The following PPA1 variants were observed in gnomAD, a reference collection of about 807,000 sequenced individuals.
PPA1 encodes the protein inorganic pyrophosphatase.
In PPA1, 23 loss-of-function variants were observed where a neutral mutation model predicts 41.8. The ratio of observed to expected loss-of-function variants is 0.55; its 90% CI spans 0.40 to 0.78. The LOEUF (loss-of-function observed/expected upper bound fraction) is 0.78. PPA1 is among the 30% of genes least tolerant of loss of function. The pLI, the probability that PPA1 is intolerant of heterozygous loss-of-function variation, is 0.00. For missense variants in PPA1, 320 were observed against 361.6 expected (o/e 0.89, Z 0.93); for synonymous variants, 101 against 116.8 (o/e 0.86, Z 0.87).
At chr10:70,206,865 AGGAGG>A (rs77729015) in intron 8 of PPA1, among the ~76,000 whole-genome samples, 830 of 8,670 alleles carry the variant, frequency 0.096, 20 homozygotes, top group Non-Finnish European at 0.12. Flanking sequence ...AGGAGAGGAG[AGGAGG>A]GGAGGGGAGG....
intron 4 of PPA1, among the ~76,000 whole-genome samples, chr10:70,215,905 G>C (rs1840074950): frequency 2.6e-5 from 4 of 152,224 alleles, no homozygotes; most frequent in South Asian, 2.1e-4. Context: ...GTAAGCCAGA[G>C]TCCTTGCAGA....
intron 3 of PPA1, 155 bp downstream of exon 3, chr10:70,218,608 GA>G: frequency 3.3e-6 from 2 of 605,240 alleles, no homozygotes; most frequent in Non-Finnish European, 5.8e-6. Context: ...AGCCCAAAGG[GA>G]AGACTAGTAG....
chr10:70,228,592 A>T (rs1284783605), intron 2 of PPA1, among the ~76,000 whole-genome samples: 2 of 152,204 alleles, frequency 1.3e-5, no homozygotes, highest in Non-Finnish European at 2.9e-5. Context: ...TCTGCAGTTT[A>T]TATCAACTCC....
At chr10:70,222,780 C>T (rs953239015) in intron 2 of PPA1, among the ~76,000 whole-genome samples, 3 of 151,548 alleles carry the variant, frequency 2.0e-5, no homozygotes, top group Non-Finnish European at 4.4e-5. Flanking sequence ...TGTGCTGCAC[C>T]CATTAACTCA....
At position 70,209,702 on chromosome 10, in the gene PPA1, C is replaced by G. The variant is rs1348789798; in HGVS notation, c.512-17G>C. On this transcript the variant is annotated splice_polypyrimidine_tract_variant and intron_variant, in intron 6 of 10. Transcript: ENST00000373232. ...CATTGATATCTAAGAAGAGAAGAAG[C>G]ATAAGATGACAGTGAGAATGATTTT... 1 of 1,567,802 alleles carries G rather than the reference C, an allele frequency of 6.4e-7. No homozygotes were observed. The highest frequency in any genetic ancestry group is 1.2e-5 in the South Asian group (1 of 85,516).
Position 70,230,065 on chromosome 10 carries a change from T to C in PPA1, c.123+276A>G, listed in dbSNP as rs560090618. Among the ~76,000 whole-genome samples, 6 of 152,228 alleles carry C rather than the reference T, an allele frequency of 3.9e-5. No individual in the cohort carries two copies. The South Asian group carries it at 1.2e-3, about 32-fold the overall frequency. On this transcript the variant is annotated intron_variant, in intron 2 of 10. Coordinates refer to ENST00000373232, the MANE Select transcript of PPA1 (RefSeq NM_021129.4). Reference sequence around the variant, plus strand: ...CTGAGACTACAGACACATGCCACCATGCCCGGCTAATTTTTGTATTTTTTG... The same window carrying C: ...CTGAGACTACAGACACATGCCACCACGCCCGGCTAATTTTTGTATTTTTTG...
At chr10:70,210,062 T>C in intron 6 of PPA1, 1 of 315,862 alleles carries the variant, frequency 3.2e-6, no homozygotes, top group South Asian at 2.7e-5. Context: ...GTGTACAAGA[T>C]ACTGAAAAAG....
rs768168156 is a variant in PPA1 at position 70,204,902 on chromosome 10, C to T, written c.809G>A (p.Cys270Tyr). The T allele has an allele frequency of 3.8e-6, 6 of 1,595,692 alleles. No individual in the cohort carries two copies. The highest frequency in any genetic ancestry group is 5.1e-6 in the Non-Finnish European group (6 of 1,167,458). ...RAIVDALPPP[C>Y]ESACTVPTDV... is the part of the protein sequence containing the mutation. ...TGTTGGTACTGTGCAGGCAGATTCA[C>T]AGGGTGGTGGTAACTAAAATATAAA... The change falls in exon 10 of 11, where the codon TGT becomes TAT. Residue 270 changes from cysteine (C) to tyrosine (Y), a missense_variant. Cys to Tyr is a radical substitution (Grantham distance 194). Transcript: ENST00000373232.
rs114187246 is a variant in PPA1 at position 70,210,183 on chromosome 10, C to T, written c.512-498G>A. ...TGCAGCCTTGACCTCCACAGTTCAG[C>T]GATCCTCTCACCTCAGCCTCCTGAG... is the stretch of plus-strand genomic sequence containing the variant. On this transcript the variant is annotated intron_variant, in intron 6 of 10. Transcript: ENST00000373232. 418 of 351,320 alleles carry T rather than the reference C, an allele frequency of 1.2e-3. 3 individuals carry two copies. Among genetic ancestry groups the T allele is most frequent in the African/African-American group, 8.4e-3 (383 of 45,444 alleles). 21.8% of individuals were successfully genotyped at this position (351,320 alleles called of 1,614,324 possible).
intron 1 of PPA1, among the ~76,000 whole-genome samples, chr10:70,232,080 TG>T (rs1840294902): frequency 6.6e-6 from 1 of 152,070 alleles, no homozygotes. Flanking sequence ...AAATGGAGAG[TG>T]GGGGGTAGTT....
intron 1 of PPA1, among the ~76,000 whole-genome samples, chr10:70,232,391 T>C (rs989616842): frequency 1.3e-5 from 2 of 150,274 alleles, no homozygotes; most frequent in African/African-American, 2.5e-5. Flanking sequence ...GTGGGGGGAG[T>C]AAGAGGATAA....
Position 70,205,057 on chromosome 10 carries a change from T to C in PPA1, c.796-142A>G, listed in dbSNP as rs984179288. 1.6e-4 allele frequency: 98 copies of C among 619,242 alleles called. No homozygotes were observed. The Middle Eastern group carries it at 2.3e-3, about 15-fold the overall frequency. 38.4% of individuals were successfully genotyped at this position (619,242 alleles called of 1,614,324 possible). A position where few individuals can be genotyped will look rare whatever the true frequency, so the allele number is the denominator to read the frequency against. ...CGTAATTTATAATATATAGGAACAA[T>C]AGAAGGTTTGCTCTACTGCTGAGAT... On this transcript the variant is annotated intron_variant, in intron 9 of 10. Transcript: ENST00000373232.
Position 70,218,876 on chromosome 10 carries a change from C to A in PPA1, c.124-59G>T, listed in dbSNP as rs955546601. On this transcript the variant is annotated intron_variant, in intron 2 of 10. Transcript: ENST00000373232. Reference sequence around the variant, plus strand: ...GGAGCCAATTTGTTCTCTGAGGGAGCATGCACTATTTCTTCCAAAGTCAAA... The same window carrying A: ...GGAGCCAATTTGTTCTCTGAGGGAGAATGCACTATTTCTTCCAAAGTCAAA... 31 of 1,243,442 alleles carry A rather than the reference C, an allele frequency of 2.5e-5. No homozygotes were observed. The African/African-American group carries it at 3.9e-4, about 16-fold the overall frequency. 77.0% of individuals were successfully genotyped at this position (1,243,442 alleles called of 1,614,324 possible). A position where few individuals can be genotyped will look rare whatever the true frequency, so the allele number is the denominator to read the frequency against.
intron 6 of PPA1, among the ~76,000 whole-genome samples, chr10:70,212,862 T>C (rs1016271473): frequency 1.3e-5 from 2 of 148,894 alleles, no homozygotes; most frequent in African/African-American, 4.9e-5. Flanking sequence ...TGATACATAC[T>C]ACAATACGGA....
At chr10:70,230,807 T>A (rs1840282433) in intron 1 of PPA1, among the ~76,000 whole-genome samples, 1 of 152,230 alleles carries the variant, frequency 6.6e-6, no homozygotes, top group Non-Finnish European at 1.5e-5. Context: ...ATATTATTCT[T>A]ACACTAGAAA....
chr10:70,218,898 C>A, intron 2 of PPA1, 81 bp from the exon 3 acceptor site: 1 of 971,226 alleles, frequency 1.0e-6, no homozygotes, highest in Non-Finnish European at 1.6e-6. Context: ...CTTCCAAAGT[C>A]AAACTGTTCA....
intron 4 of PPA1, 69 bp downstream of exon 4, chr10:70,217,743 T>C: frequency 7.5e-7 from 1 of 1,329,740 alleles, no homozygotes; most frequent in East Asian, 2.5e-5. Flanking sequence ...AAACCTTTTT[T>C]ACTAATAGCA....
chr10:70,209,365 T>C, intron 7 of PPA1, 75 bp from the exon 8 acceptor site: 1 of 1,353,068 alleles, frequency 7.4e-7, no homozygotes, highest in Non-Finnish European at 1.0e-6. Flanking sequence ...CCCCAAAGCC[T>C]GATACTTTGT....
At chr10:70,218,686 T>A in intron 3 of PPA1, 78 bp downstream of exon 3, 2 of 1,160,046 alleles carry the variant, frequency 1.7e-6, no homozygotes, top group Non-Finnish European at 2.6e-6. Flanking sequence ...GTTCAGATGG[T>A]TCATCCTTGA....
Sources: allele counts gnomAD v4.1 joint callset (sites outside exome capture counted in the v4.1 genomes callset), GRCh38; gene constraint gnomAD v4.1.1; transcripts MANE v1.5; gene names NCBI Gene and HGNC (gene_info 2026-07-23, HGNC 2026-07-21).